Variants in MORC1 observed in about 807,000 individuals in gnomAD.
MORC1 encodes the protein MORC family CW-type zinc finger protein 1.
A neutral mutation model predicts 134.9 loss-of-function variants in MORC1; 59 were observed. The observed-to-expected ratio is 0.44, with a 90% CI of 0.35 to 0.54. The LOEUF (loss-of-function observed/expected upper bound fraction) is 0.54, where lower values mean the gene tolerates loss of function less well. Among genes scored for constraint, MORC1 ranks in the 20% least tolerant of loss-of-function variants. The pLI is 0.00. For synonymous variants in MORC1, 395 were observed against 391.7 expected, an observed-to-expected ratio of 1.01 and a Z score of -0.10; for missense variants, 947 against 1,134.5, an observed-to-expected ratio of 0.83 and a Z score of 2.37.
At chr3:108,969,851 A>G (rs576543487) in intron 25 of MORC1, 129 bp from the exon 26 acceptor site, 1 of 753,504 alleles carries the variant, frequency 1.3e-6, no homozygotes, top group East Asian at 2.7e-5. Context: ...CATTGGTACT[A>G]TGGGCCTTTT....
At chr3:109,039,918 T>C (rs1949469854) in intron 14 of MORC1, among the ~76,000 whole-genome samples, 1 of 152,046 alleles carries the variant, frequency 6.6e-6, no homozygotes, top group South Asian at 2.1e-4. Flanking sequence ...TATCTCCTTT[T>C]CACCTTATGG....
rs779668823 is a variant in MORC1 at position 109,094,963 on chromosome 3, A to G, written c.529T>C (p.Phe177Leu). 1.4e-5 allele frequency: 22 copies of G among 1,593,762 alleles called. 1 individual carries two copies. In the Admixed American group the frequency reaches 3.8e-4, roughly 28 times the overall value. The change falls in exon 7 of 28, where the codon TTT (phenylalanine) becomes CTT (leucine). Residue 177 changes from phenylalanine (F) to leucine (L), a missense_variant. Physicochemically the swap from Phe to Leu is conservative, Grantham distance 22 (BLOSUM62 0). This residue lies in a region of MORC1 where 214 missense variants were observed against 281.3 expected (regional missense o/e 0.76). Transcript: ENST00000232603. ...TGCATCAATTCTGCTTCAGTTTTAA[A>G]TGGGGAGTATTTATAAATTATAGAT... ...ELSIIYKYSP[F>L]KTEAELMQQF...
At chr3:108,971,948 T>C (rs1219146710) in intron 24 of MORC1, among the ~76,000 whole-genome samples, 1 of 152,166 alleles carries the variant, frequency 6.6e-6, no homozygotes, top group Middle Eastern at 3.2e-3. Context: ...TTGAGTGTTC[T>C]CTTCTGCAGA....
chr3:109,069,901 A>T (rs1365473254), intron 8 of MORC1, 144 bp from the exon 9 acceptor site: 1 of 801,858 alleles, frequency 1.2e-6, no homozygotes, highest in African/African-American at 1.7e-5. Context: ...TGACACCACA[A>T]ACACCAGCAA....
At chr3:109,065,119 T>G (rs562378371) in intron 9 of MORC1, among the ~76,000 whole-genome samples, 2 of 152,286 alleles carry the variant, frequency 1.3e-5, no homozygotes, top group East Asian at 3.9e-4. Flanking sequence ...AATACAGTAA[T>G]AGTATCTATC....
At chr3:109,052,976 A>T (rs1423615454) in intron 14 of MORC1, among the ~76,000 whole-genome samples, 2 of 152,118 alleles carry the variant, frequency 1.3e-5, no homozygotes, top group Non-Finnish European at 2.9e-5. Flanking sequence ...GATACTTCTC[A>T]GAAGAAGACA....
At chr3:108,997,870 A>T (rs1189168038) in intron 21 of MORC1, among the ~76,000 whole-genome samples, 1 of 152,194 alleles carries the variant, frequency 6.6e-6, no homozygotes, top group Non-Finnish European at 1.5e-5. Context: ...GGAAAAAAAA[A>T]TCCTTTCAAA....
At chr3:109,054,706 A>C (rs1359897578) in intron 14 of MORC1, 22 bp downstream of exon 14, 2 of 1,499,104 alleles carry the variant, frequency 1.3e-6, no homozygotes, top group African/African-American at 2.9e-5. Flanking sequence ...AGTATCTCCT[A>C]CTATGACTAT....
intron 4 of MORC1, among the ~76,000 whole-genome samples, chr3:109,102,827 GT>G (rs1028931827): frequency 6.6e-6 from 1 of 152,086 alleles, no homozygotes; most frequent in African/African-American, 2.4e-5. Flanking sequence ...TTCAGCATGG[GT>G]TTTTTCTGTT....
intron 26 of MORC1, among the ~76,000 whole-genome samples, chr3:108,968,964 T>TA (rs1553740307): frequency 1.5e-4 from 23 of 152,016 alleles, no homozygotes; most frequent in Admixed American, 4.6e-4. Context: ...GGTTTTTTTT[T>TA]TTATTATTAA....
intron 3 of MORC1, 93 bp downstream of exon 3, chr3:109,110,655 AG>A: frequency 1.9e-6 from 2 of 1,059,066 alleles, no homozygotes; most frequent in Non-Finnish European, 1.4e-6. Flanking sequence ...AAAATTCTAT[AG>A]AATGTGGTTT....
At chr3:109,052,806 A>C (rs1949859059) in intron 14 of MORC1, among the ~76,000 whole-genome samples, 1 of 152,188 alleles carries the variant, frequency 6.6e-6, no homozygotes, top group African/African-American at 2.4e-5. Flanking sequence ...TGTCTGCCTA[A>C]TTTAAAAGTA....
intron 23 of MORC1, among the ~76,000 whole-genome samples, chr3:108,980,716 C>A (rs1183637740): frequency 6.6e-6 from 1 of 152,118 alleles, no homozygotes; most frequent in African/African-American, 2.4e-5. Flanking sequence ...ATGCAAGAGA[C>A]TTTTAAACTA....
At chr3:109,117,852 A>T (rs1293307500) in intron 1 of MORC1, 143 bp downstream of exon 1, 7 of 717,180 alleles carry the variant, frequency 9.8e-6, no homozygotes, top group Non-Finnish European at 1.4e-5. Flanking sequence ...TCATCGTTTT[A>T]AAAAAAGCCT....
intron 14 of MORC1, among the ~76,000 whole-genome samples, chr3:109,045,495 T>C (rs1409059436): frequency 3.9e-5 from 6 of 152,208 alleles, no homozygotes; most frequent in South Asian, 2.1e-4. Context: ...TGGTACACTG[T>C]TGAGAAGAAC....
At chr3:109,053,774 T>C (rs1352446368) in intron 14 of MORC1, among the ~76,000 whole-genome samples, 1 of 152,150 alleles carries the variant, frequency 6.6e-6, no homozygotes, top group Admixed American at 6.5e-5. Flanking sequence ...GATTCTAAAA[T>C]ATATGTTGAA....
At chr3:109,040,403 A>AAAGAGAAGGAAG (rs1553753628) in intron 14 of MORC1, among the ~76,000 whole-genome samples, 386 of 13,516 alleles carry the variant, frequency 0.029, 28 homozygotes, top group Middle Eastern at 0.083. Flanking sequence ...AGAAAGAAAG[A>AAAGAGAAGGAAG]GAAGGAAGGA....
At chr3:109,039,005 C>T (rs996229637) in intron 14 of MORC1, among the ~76,000 whole-genome samples, 1 of 152,162 alleles carries the variant, frequency 6.6e-6, no homozygotes, top group Non-Finnish European at 1.5e-5. Flanking sequence ...CAACCTCTGC[C>T]TCCTGGGTTC....
At chr3:109,064,900 A>T (rs1022191065) in intron 9 of MORC1, among the ~76,000 whole-genome samples, 2 of 151,980 alleles carry the variant, frequency 1.3e-5, no homozygotes, top group African/African-American at 2.4e-5. Flanking sequence ...ATTCCTCCTA[A>T]CCTCTACACT....
Sources: gnomAD v4.1 joint callset for allele counts (sites outside exome capture counted in the v4.1 genomes callset) on GRCh38, gnomAD v4.1.1 for gene constraint, gnomAD v4.1.1 regional missense constraint, MANE v1.5 for transcripts, NCBI Gene and HGNC (gene_info 2026-07-23, HGNC 2026-07-21) for gene names.